AUTS2: variants seen among roughly 807,000 people sequenced by gnomAD.
AUTS2 encodes the protein activator of transcription and developmental regulator AUTS2, also known as autism susceptibility gene 2 protein.
Under a neutral mutation model 112.4 loss-of-function variants are expected in AUTS2, and 17 were observed. The observed-to-expected ratio is 0.15, with a 90% CI of 0.10 to 0.23. The LOEUF (loss-of-function observed/expected upper bound fraction) is 0.23, where lower values mean the gene tolerates loss of function less well. AUTS2 is among the 10% of genes least tolerant of loss of function. The pLI is 1.00. For missense variants in AUTS2, 1,510 were observed against 1,701.6 expected (o/e 0.89, Z 1.98); for synonymous variants, 751 against 702.7 (o/e 1.07, Z -1.09).
chr7:70,732,204 A>T (rs1357800667), intron 6 of AUTS2, among the ~76,000 whole-genome samples: 2 of 152,124 alleles, frequency 1.3e-5, no homozygotes, highest in Non-Finnish European at 2.9e-5. Context: ...AAATATATTT[A>T]TTTTTCCTCA....
chr7:69,964,885 A>G (rs956228371), intron 2 of AUTS2, among the ~76,000 whole-genome samples: 3 of 151,822 alleles, frequency 2.0e-5, no homozygotes, highest in Non-Finnish European at 4.4e-5. Context: ...TTTGCAGACC[A>G]TGAGCTCCTC....
At chr7:69,892,670 A>G (rs951603861) in intron 1 of AUTS2, among the ~76,000 whole-genome samples, 2 of 152,188 alleles carry the variant, frequency 1.3e-5, no homozygotes, top group Non-Finnish European at 2.9e-5. Flanking sequence ...CTTTGGTGTC[A>G]TAGTAAGAAA....
At chr7:70,311,998 G>A (rs1015887487) in intron 4 of AUTS2, among the ~76,000 whole-genome samples, 4 of 152,164 alleles carry the variant, frequency 2.6e-5, no homozygotes, top group Admixed American at 6.5e-5. Flanking sequence ...ATAGGCATGA[G>A]CCACCGCGCC....
intron 1 of AUTS2, among the ~76,000 whole-genome samples, chr7:69,694,256 T>G (rs1237367317): frequency 6.6e-6 from 1 of 152,212 alleles, no homozygotes; most frequent in Non-Finnish European, 1.5e-5. Flanking sequence ...CTGGAAATTC[T>G]GACTCAGTGG....
intron 1 of AUTS2, among the ~76,000 whole-genome samples, chr7:69,779,380 T>C (rs1789044937): frequency 6.6e-6 from 1 of 152,198 alleles, no homozygotes; most frequent in Non-Finnish European, 1.5e-5. Flanking sequence ...GCTTGTTTCC[T>C]GATCTTTACA....
At position 70,791,005 on chromosome 7, in the gene AUTS2, C is replaced by G. The variant is rs757903329; in HGVS notation, c.*9C>G. ...ATATCGAGGCCCGATAAGCCGAGAA[C>G]AGGAGCAAGAACGAGGAAGAAGAAA... On this transcript the variant is annotated 3_prime_UTR_variant, in exon 19 of 19. Transcript: ENST00000342771. 21 of 1,487,672 alleles carry G rather than the reference C, an allele frequency of 1.4e-5. No individual in the cohort carries two copies. Among genetic ancestry groups the G allele is most frequent in the Non-Finnish European group, 1.9e-5 (21 of 1,120,554 alleles). The allele number at this position is 1,487,672 out of a possible 1,614,324, so 92.2% of individuals were successfully genotyped here. A position where few individuals can be genotyped will look rare whatever the true frequency, so the allele number is the denominator to read the frequency against.
chr7:70,407,035 G>T (rs1279013087), intron 4 of AUTS2, among the ~76,000 whole-genome samples: 1 of 152,114 alleles, frequency 6.6e-6, no homozygotes, highest in Non-Finnish European at 1.5e-5. Flanking sequence ...AACTGAGCTG[G>T]CCAAATAATC....
chr7:70,698,475 ATGTAGTCAAC>A, intron 5 of AUTS2, 84 bp from the exon 6 acceptor site: 4 of 1,121,110 alleles, frequency 3.6e-6, no homozygotes, highest in Non-Finnish European at 3.9e-6. Context: ...CTTTCGTAAA[ATGTAGTCAAC>A]TGATTTAAAA....
chr7:70,003,267 T>TAA (rs1799303226), intron 2 of AUTS2, among the ~76,000 whole-genome samples: 4 of 129,446 alleles, frequency 3.1e-5, no homozygotes, highest in African/African-American at 1.2e-4. Flanking sequence ...ATATAATATA[T>TAA]TATATATGTG....
chr7:70,576,867 A>G (rs1224847604), intron 5 of AUTS2, among the ~76,000 whole-genome samples: 2 of 152,232 alleles, frequency 1.3e-5, no homozygotes, highest in African/African-American at 4.8e-5. Context: ...TGCTGTGTTT[A>G]CCAAACAGCT....
chr7:70,372,489 C>G (rs997417762), intron 4 of AUTS2, among the ~76,000 whole-genome samples: 6 of 151,976 alleles, frequency 3.9e-5, no homozygotes, highest in African/African-American at 1.4e-4. Context: ...GGAAGCCTGG[C>G]ATATAGATCA....
chr7:69,915,482 T>C (rs1795540076), intron 2 of AUTS2, among the ~76,000 whole-genome samples: 1 of 152,194 alleles, frequency 6.6e-6, no homozygotes, highest in Non-Finnish European at 1.5e-5. Context: ...TCTCAGTGGC[T>C]TTCAAACTGC....
At chr7:70,406,618 G>T (rs879544699) in intron 4 of AUTS2, among the ~76,000 whole-genome samples, 1 of 152,186 alleles carries the variant, frequency 6.6e-6, no homozygotes, top group East Asian at 1.9e-4. Flanking sequence ...CTGGGCTCAC[G>T]TGGGTGTATC....
At chr7:70,368,808 T>A (rs778594481) in intron 4 of AUTS2, among the ~76,000 whole-genome samples, 1 of 152,194 alleles carries the variant, frequency 6.6e-6, no homozygotes, top group African/African-American at 2.4e-5. Context: ...AGGGAAGGGA[T>A]GGCAGTGGCT....
intron 2 of AUTS2, among the ~76,000 whole-genome samples, chr7:69,904,228 G>T (rs1584418980): frequency 6.6e-6 from 1 of 152,210 alleles, no homozygotes; most frequent in African/African-American, 2.4e-5. Context: ...CCTGTTGAGA[G>T]TGTTTGCTAC....
At chr7:70,069,013 T>C (rs1802630480) in intron 2 of AUTS2, among the ~76,000 whole-genome samples, 1 of 152,208 alleles carries the variant, frequency 6.6e-6, no homozygotes, top group African/African-American at 2.4e-5. Flanking sequence ...TCCATATAAT[T>C]TTCTAAAGCA....
chr7:70,285,678 T>C (rs1433557005), intron 4 of AUTS2, among the ~76,000 whole-genome samples: 1 of 152,250 alleles, frequency 6.6e-6, no homozygotes, highest in Non-Finnish European at 1.5e-5. Context: ...GGTCATACAT[T>C]GACATTTATT....
chr7:70,767,701 C>A (rs1790026773), intron 9 of AUTS2, among the ~76,000 whole-genome samples: 1 of 152,158 alleles, frequency 6.6e-6, no homozygotes, highest in Non-Finnish European at 1.5e-5. Flanking sequence ...ATGCTCACCT[C>A]TCTCTGATTT....
chr7:69,779,936 G>A (rs1306174545), intron 1 of AUTS2, among the ~76,000 whole-genome samples: 1 of 152,052 alleles, frequency 6.6e-6, no homozygotes, highest in Non-Finnish European at 1.5e-5. Context: ...GCTCACTGCA[G>A]CCTGGACCTC....
Sources: allele counts gnomAD v4.1 joint callset (sites outside exome capture counted in the v4.1 genomes callset), GRCh38; gene constraint gnomAD v4.1.1; transcripts MANE v1.5; gene names NCBI Gene and HGNC (gene_info 2026-07-23, HGNC 2026-07-21).